The following KCNQ3 variants were observed in gnomAD, a reference collection of about 807,000 sequenced individuals.
The protein encoded by KCNQ3 is potassium voltage-gated channel subfamily KQT member 3.
A neutral mutation model predicts 92.5 loss-of-function variants in KCNQ3; 30 were observed. The observed-to-expected ratio is 0.32, with a 90% confidence interval of 0.24 to 0.44. The LOEUF (loss-of-function observed/expected upper bound fraction) is 0.44, where lower values mean the gene tolerates loss of function less well. Among genes scored for constraint, KCNQ3 ranks in the 20% least tolerant of loss-of-function variants. The pLI is 1.00. For missense variants in KCNQ3, 913 were observed against 1,140.3 expected (o/e 0.80, Z 2.87); for synonymous variants, 450 against 468.8 (o/e 0.96, Z 0.52).
chr8:132,200,004 C>G (rs1341772440), intron 1 of KCNQ3, among the ~76,000 whole-genome samples: 2 of 151,894 alleles, frequency 1.3e-5, no homozygotes, highest in African/African-American at 2.4e-5. Context: ...TACCTTGTTC[C>G]TTCTTATTGT....
intron 1 of KCNQ3, among the ~76,000 whole-genome samples, chr8:132,412,023 T>C (rs1820665164): frequency 6.6e-6 from 1 of 152,182 alleles, no homozygotes; most frequent in African/African-American, 2.4e-5. Context: ...ACCTTAGCTC[T>C]ATCCCTTACT....
chr8:132,437,286 A>T (rs914984488), intron 1 of KCNQ3, among the ~76,000 whole-genome samples: 3 of 151,312 alleles, frequency 2.0e-5, no homozygotes, highest in Non-Finnish European at 2.9e-5. Flanking sequence ...TCAAAAAAAA[A>T]ATAAAAATAA....
chr8:132,472,332 C>T (rs1372106122), intron 1 of KCNQ3, among the ~76,000 whole-genome samples: 4 of 152,084 alleles, frequency 2.6e-5, no homozygotes, highest in Non-Finnish European at 5.9e-5. Context: ...CAGCAGTATT[C>T]CCAATAACAA....
chr8:132,376,955 A>C (rs1411998211), intron 1 of KCNQ3, among the ~76,000 whole-genome samples: 1 of 152,198 alleles, frequency 6.6e-6, no homozygotes, highest in African/African-American at 2.4e-5. Context: ...GAAGAGACTG[A>C]GCTATGAAAA....
At chr8:132,444,027 G>A (rs1821608923) in intron 1 of KCNQ3, among the ~76,000 whole-genome samples, 1 of 152,128 alleles carries the variant, frequency 6.6e-6, no homozygotes, top group Non-Finnish European at 1.5e-5. Flanking sequence ...GGTACCGAGA[G>A]GTTCAGAAAC....
At chr8:132,317,992 C>T (rs1398172340) in intron 1 of KCNQ3, among the ~76,000 whole-genome samples, 1 of 152,196 alleles carries the variant, frequency 6.6e-6, no homozygotes, top group Non-Finnish European at 1.5e-5. Flanking sequence ...TGGGTCTGCA[C>T]AGCCAGTCCC....
chr8:132,135,347 G>C (rs1825047857), intron 12 of KCNQ3, among the ~76,000 whole-genome samples: 1 of 151,882 alleles, frequency 6.6e-6, no homozygotes, highest in Non-Finnish European at 1.5e-5. Flanking sequence ...CACGCTGTAG[G>C]TTGGGACGGG....
chr8:132,458,153 G>A (rs1402621050), intron 1 of KCNQ3, among the ~76,000 whole-genome samples: 2 of 152,162 alleles, frequency 1.3e-5, no homozygotes, highest in Non-Finnish European at 2.9e-5. Flanking sequence ...AGCCACCCTT[G>A]GCCCAACATG....
chr8:132,392,167 T>C (rs1820065052), intron 1 of KCNQ3, among the ~76,000 whole-genome samples: 1 of 152,212 alleles, frequency 6.6e-6, no homozygotes, highest in Non-Finnish European at 1.5e-5. Flanking sequence ...ATTGAGTCAC[T>C]TTCTTGTCAA....
intron 1 of KCNQ3, among the ~76,000 whole-genome samples, chr8:132,210,754 CAG>C (rs1813826104): frequency 6.6e-6 from 1 of 152,264 alleles, no homozygotes; most frequent in South Asian, 2.1e-4. Context: ...GCCAGAAAAG[CAG>C]AGAGAAAAAC....
At chr8:132,329,750 C>A (rs544208210) in intron 1 of KCNQ3, among the ~76,000 whole-genome samples, 5 of 152,164 alleles carry the variant, frequency 3.3e-5, no homozygotes, top group Non-Finnish European at 7.4e-5. Flanking sequence ...ACAGTGTTCC[C>A]CAAACTCTAG....
At chr8:132,164,260 C>G (rs894989940) in intron 8 of KCNQ3, among the ~76,000 whole-genome samples, 20 of 152,008 alleles carry the variant, frequency 1.3e-4, no homozygotes, top group African/African-American at 4.8e-4. Flanking sequence ...AAGGTCTACA[C>G]TGAGCAAATC....
intron 1 of KCNQ3, among the ~76,000 whole-genome samples, chr8:132,357,954 C>T (rs887434575): frequency 2.0e-5 from 3 of 152,180 alleles, no homozygotes; most frequent in Non-Finnish European, 4.4e-5. Context: ...GTTTCATTCC[C>T]ATCCATCAAA....
At chr8:132,332,883 T>C (rs1818267752) in intron 1 of KCNQ3, among the ~76,000 whole-genome samples, 2 of 152,330 alleles carry the variant, frequency 1.3e-5, no homozygotes, top group South Asian at 2.1e-4. Flanking sequence ...CCTCTCTTCA[T>C]TGCATCGCTG....
chr8:132,425,055 G>C (rs1202160026), intron 1 of KCNQ3, among the ~76,000 whole-genome samples: 1 of 152,200 alleles, frequency 6.6e-6, no homozygotes, highest in Non-Finnish European at 1.5e-5. Context: ...GATTCCCAGT[G>C]CCTTTGGAAA....
intron 1 of KCNQ3, among the ~76,000 whole-genome samples, chr8:132,350,038 C>T (rs1360910038): frequency 6.6e-6 from 1 of 152,146 alleles, no homozygotes; most frequent in Non-Finnish European, 1.5e-5. Context: ...CCTCTTTTGA[C>T]AGTGAAAAGG....
At chr8:132,455,785 A>C (rs908332233) in intron 1 of KCNQ3, among the ~76,000 whole-genome samples, 2 of 152,136 alleles carry the variant, frequency 1.3e-5, no homozygotes, top group African/African-American at 4.8e-5. Context: ...TCTGTCGCCC[A>C]GGCTGGAGTA....
chr8:132,445,559 G>A (rs1587027638), intron 1 of KCNQ3, among the ~76,000 whole-genome samples: 1 of 152,044 alleles, frequency 6.6e-6, no homozygotes, highest in African/African-American at 2.4e-5. Context: ...ATAAAAAAAC[G>A]ACTCTAATAA....
chr8:132,454,519 T>C (rs1256823825), intron 1 of KCNQ3, among the ~76,000 whole-genome samples: 2 of 152,216 alleles, frequency 1.3e-5, no homozygotes, highest in Non-Finnish European at 2.9e-5. Context: ...GAAGGAAATC[T>C]GTAAAACGAG....
Sources: gnomAD v4.1 joint callset for allele counts (sites outside exome capture counted in the v4.1 genomes callset) on GRCh38, gnomAD v4.1.1 for gene constraint, MANE v1.5 for transcripts, NCBI Gene and HGNC (gene_info 2026-07-23, HGNC 2026-07-21) for gene names.